PFN3: variants seen among roughly 807,000 people sequenced by gnomAD.
The protein encoded by PFN3 is profilin-3.
Under a neutral mutation model 6.2 loss-of-function variants are expected in PFN3, and 7 were observed. The observed-to-expected ratio is 1.13, with a 90% CI of 0.64 to 2.13. PFN3 has a LOEUF of 2.13. Among genes scored for constraint, PFN3 ranks in the 30% most tolerant of loss-of-function variants. The pLI is 0.00. For missense variants in PFN3, 251 were observed against 209.3 expected (o/e 1.20, Z -1.23); for synonymous variants, 112 against 97.7 (o/e 1.15, Z -0.87).
At position 177,400,247 on chromosome 5, in the gene PFN3, T is replaced by C. The variant is rs763562940; in HGVS notation, c.330A>G (p.Leu110=). Residue 110 remains leucine (L), a synonymous_variant, in exon 1 of 1, where the codon CTA becomes CTG. Coordinates refer to ENST00000358571, the MANE Select transcript of PFN3 (RefSeq NM_001029886.3). The part of the protein sequence containing the change: ...VGRAPRALLV[L]MGRRGVHGGI... Reference sequence around the variant, plus strand: ...CCCCATGTACGCCGCGTCGGCCCATTAGCACCAGGAGCGCGCGCGGCGCAC... The same window carrying C: ...CCCCATGTACGCCGCGTCGGCCCATCAGCACCAGGAGCGCGCGCGGCGCAC... 1.2e-6 allele frequency: 2 copies of C among 1,611,180 alleles called. No homozygotes were observed. The highest frequency in any genetic ancestry group is 2.2e-5 in the South Asian group (2 of 91,004).
At position 177,400,221 on chromosome 5, in the gene PFN3, C is replaced by T. The variant is rs1337292800; in HGVS notation, c.356G>A (p.Gly119Asp). Residue 119 changes from glycine (G) to aspartate (D), a missense_variant, in exon 1 of 1, where the codon GGC (glycine) becomes GAC (aspartate). Transcript: ENST00000358571. ...TTCGTGCACCGTCTTGTTGAGGATG[C>T]CCCCATGTACGCCGCGTCGGCCCAT... Reference protein sequence around the residue: ...VLMGRRGVHGGILNKTVHELI... With the variant: ...VLMGRRGVHGDILNKTVHELI... 2.5e-6 allele frequency: 4 copies of T among 1,611,854 alleles called. No individual in the cohort carries two copies. The South Asian group carries it at 4.4e-5, about 18-fold the overall frequency.
In PFN3 at chr5:177,400,584, C is replaced by G. The variant is rs757484919; in HGVS notation, c.-8G>C. 24 of 1,591,690 alleles carry G rather than the reference C, an allele frequency of 1.5e-5. No homozygotes were observed. Among genetic ancestry groups the G allele is most frequent in the Non-Finnish European group, 2.0e-5 (23 of 1,177,266 alleles). On this transcript the variant is annotated 5_prime_UTR_variant, in exon 1 of 1. Coordinates refer to ENST00000358571, the MANE Select transcript of PFN3 (RefSeq NM_001029886.3). ...GACCTTCCAGTCGCCCATCGCGCTC[C>G]GAGTGCGCCCAGCCGCCTCGCACCT...
rs1472969887 is a variant in PFN3 at position 177,400,259 on chromosome 5, C to T, written c.318G>A (p.Ala106=). 1.9e-5 allele frequency: 31 copies of T among 1,608,718 alleles called. No individual in the cohort carries two copies. The highest frequency in any genetic ancestry group is 2.6e-5 in the Non-Finnish European group (31 of 1,178,144). ...RAVCVGRAPR[A]LLVLMGRRGV... is the part of the protein sequence containing the mutation. Reference sequence around the variant, plus strand: ...CGCGTCGGCCCATTAGCACCAGGAGCGCGCGCGGCGCACGGCCCACGCACA... The same window carrying T: ...CGCGTCGGCCCATTAGCACCAGGAGTGCGCGCGGCGCACGGCCCACGCACA... Residue 106 remains alanine, a synonymous_variant, in exon 1 of 1, where the codon GCG becomes GCA. Transcript: ENST00000358571.
rs748864744 is a variant in PFN3 at position 177,400,622 on chromosome 5, T to C, written c.-46A>G. On this transcript the variant is annotated 5_prime_UTR_variant, in exon 1 of 1. Coordinates refer to ENST00000358571, the MANE Select transcript of PFN3 (RefSeq NM_001029886.3). ...CCGCCTCGCACCTCTCGGGGAAATA[T>C]AGAGGCGCCACGCGGGGAAGGCCTG... is the stretch of plus-strand genomic sequence containing the variant. The C allele has an allele frequency of 4.5e-5, 70 of 1,566,852 alleles. No homozygotes were observed. The highest frequency in any genetic ancestry group is 1.1e-4 in the African/African-American group (8 of 73,188).
rs1474063347 is a variant in PFN3 at position 177,400,412 on chromosome 5, G to A, written c.165C>T (p.Asp55=). The A allele has an allele frequency of 6.5e-7, 1 of 1,540,580 alleles. No individual in the cohort carries two copies. The highest frequency in any genetic ancestry group is 1.2e-5 in the South Asian group (1 of 84,430). Residue 55 remains aspartate (D), a synonymous_variant, in exon 1 of 1, where the codon GAC becomes GAT. Transcript: ENST00000358571. ...GGCCCGCCTGCAGGAAGGTGTGCCT[G>A]TCCGGCCCCGTGAGCACGCCCACCT... ...PQEVGVLTGP[D]RHTFLQAGLS... is the part of the protein sequence containing the mutation.
rs759837787 is a variant in PFN3 at position 177,400,313 on chromosome 5, T to C, written c.264A>G (p.Ala88=). ...CGCGCGCGTCCAGCCCCTTGGTGCG[T>C]GCGTCCAGCACGCCGTCACCCTCGG... ...LLAEGDGVLD[A]RTKGLDARAV... is the part of the protein sequence containing the mutation. The change falls in exon 1 of 1, where the codon GCA becomes GCG. Residue 88 remains alanine, a synonymous_variant. Coordinates refer to ENST00000358571, the MANE Select transcript of PFN3 (RefSeq NM_001029886.3). The C allele has an allele frequency of 1.9e-6, 3 of 1,569,348 alleles. No homozygotes were observed. The highest frequency in any genetic ancestry group is 1.7e-4 in the Middle Eastern group (1 of 6,004).
rs1359505630 is a variant in PFN3 at position 177,400,579 on chromosome 5, C to G, written c.-3G>C. On this transcript the variant is annotated 5_prime_UTR_variant, in exon 1 of 1. Transcript: ENST00000358571. ...ATGTAGACCTTCCAGTCGCCCATCG[C>G]GCTCCGAGTGCGCCCAGCCGCCTCG... 3 of 1,592,914 alleles carry G rather than the reference C, an allele frequency of 1.9e-6. No homozygotes were observed. Among genetic ancestry groups the G allele is most frequent in the Non-Finnish European group, 2.5e-6 (3 of 1,177,750 alleles).
At position 177,400,337 on chromosome 5, in the gene PFN3, G is replaced by A. The variant is rs1254211452; in HGVS notation, c.240C>T (p.Ala80=). 11 of 1,539,284 alleles carry A rather than the reference G, an allele frequency of 7.1e-6. No homozygotes were observed. The highest frequency in any genetic ancestry group is 1.7e-6 in the Non-Finnish European group (2 of 1,144,660). The part of the protein sequence containing the change: ...RCCVIRDHLL[A]EGDGVLDART... ...GTGCGTCCAGCACGCCGTCACCCTC[G>A]GCCAGCAGGTGGTCGCGGATGACGC... is the stretch of plus-strand genomic sequence containing the variant. The change falls in exon 1 of 1, where the codon GCC becomes GCT. Residue 80 remains alanine (A), a synonymous_variant. Coordinates refer to ENST00000358571, the MANE Select transcript of PFN3 (RefSeq NM_001029886.3).
In PFN3 at chr5:177,400,371, CG is replaced by C; in HGVS notation, c.205del (p.Arg69AlafsTer42). On this transcript the variant is annotated frameshift_variant, in exon 1 of 1. Coordinates refer to ENST00000358571, the MANE Select transcript of PFN3 (RefSeq NM_001029886.3). LOFTEE classifies it high-confidence loss of function. ...GTGGTCGCGGATGACGCAGCAGCGG[CG>C]GCCCCCCACGCTCAGGCCCGCCTGC... ...FLQAGLSVGG[R>X]RCCVIRDHLL... is the part of the protein sequence containing the mutation. 6.5e-7 allele frequency: 1 copy of C among 1,536,002 alleles called. No homozygotes were observed. Among genetic ancestry groups the C allele is most frequent in the East Asian group, 2.5e-5 (1 of 40,092 alleles).
Position 177,400,294 on chromosome 5 carries a change from C to T in PFN3, c.283G>A (p.Ala95Thr). The change falls in exon 1 of 1, where the codon GCG (alanine) becomes ACG (threonine). Residue 95 changes from alanine to threonine, a missense_variant. By Grantham distance (58) the Ala-to-Thr change is moderately conservative. Coordinates refer to ENST00000358571, the MANE Select transcript of PFN3 (RefSeq NM_001029886.3). ...GCACGGCCCACGCACACGGCGCGCGCGTCCAGCCCCTTGGTGCGTGCGTCC... is the reference window on the plus strand; with the variant it reads ...GCACGGCCCACGCACACGGCGCGCGTGTCCAGCCCCTTGGTGCGTGCGTCC... Reference protein sequence around the residue: ...VLDARTKGLDARAVCVGRAPR... With the variant: ...VLDARTKGLDTRAVCVGRAPR... 1 of 1,588,190 alleles carries T rather than the reference C, an allele frequency of 6.3e-7. No homozygotes were observed. Among genetic ancestry groups the T allele is most frequent in the Non-Finnish European group, 8.6e-7 (1 of 1,168,736 alleles).
Position 177,400,349 on chromosome 5 carries a change from G to T in PFN3, c.228C>A (p.Asp76Glu). The T allele has an allele frequency of 6.5e-7, 1 of 1,535,894 alleles. No individual in the cohort carries two copies. The highest frequency in any genetic ancestry group is 8.8e-7 in the Non-Finnish European group (1 of 1,142,248). The change falls in exon 1 of 1, where the codon GAC (aspartate) becomes GAA (glutamate). Residue 76 changes from aspartate (D) to glutamate (E), a missense_variant. Transcript: ENST00000358571. The stretch of plus-strand genomic sequence containing the variant: ...CGCCGTCACCCTCGGCCAGCAGGTG[G>T]TCGCGGATGACGCAGCAGCGGCGGC... ...VGGRRCCVIR[D>E]HLLAEGDGVL...
At position 177,400,156 on chromosome 5, in the gene PFN3, T is replaced by C. The variant is rs1234905826; in HGVS notation, c.*7A>G. 2 of 1,610,568 alleles carry C rather than the reference T, an allele frequency of 1.2e-6. No individual in the cohort carries two copies. Among genetic ancestry groups the C allele is most frequent in the East Asian group, 2.2e-5 (1 of 44,854 alleles). On this transcript the variant is annotated 3_prime_UTR_variant, in exon 1 of 1. Coordinates refer to ENST00000358571, the MANE Select transcript of PFN3 (RefSeq NM_001029886.3). ...CCGCGCTACCAGTGGGCGGCCTGGC[T>C]GGCCGGCTAGGCGCCCTGCATGCGC... is the stretch of plus-strand genomic sequence containing the variant.
Position 177,400,389 on chromosome 5 carries a change from C to A in PFN3, c.188G>T (p.Gly63Val), listed in dbSNP as rs779868381. Residue 63 changes from glycine to valine, a missense_variant, in exon 1 of 1, where the codon GGC becomes GTC. Physicochemically the swap from Gly to Val is moderately radical, Grantham distance 109. Transcript: ENST00000358571. ...GCAGCGGCGGCCCCCCACGCTCAGG[C>A]CCGCCTGCAGGAAGGTGTGCCTGTC... ...GPDRHTFLQA[G>V]LSVGGRRCCV... 6 of 1,540,348 alleles carry A rather than the reference C, an allele frequency of 3.9e-6. No individual in the cohort carries two copies. In the South Asian group the frequency reaches 7.2e-5, roughly 18 times the overall value.
chr5:177,400,369 G>A lies in PFN3; in HGVS notation c.208C>T (p.Arg70Cys), dbSNP rs1763101064. The A allele has an allele frequency of 6.5e-7, 1 of 1,536,868 alleles. No homozygotes were observed. The highest frequency in any genetic ancestry group is 1.2e-5 in the South Asian group (1 of 83,082). Reference protein sequence around the residue: ...LQAGLSVGGRRCCVIRDHLLA... With the variant: ...LQAGLSVGGRCCCVIRDHLLA... Reference sequence around the variant, plus strand: ...AGGTGGTCGCGGATGACGCAGCAGCGGCGGCCCCCCACGCTCAGGCCCGCC... The same window carrying A: ...AGGTGGTCGCGGATGACGCAGCAGCAGCGGCCCCCCACGCTCAGGCCCGCC... The change falls in exon 1 of 1, where the codon CGC becomes TGC. Residue 70 changes from arginine to cysteine, a missense_variant. By Grantham distance (180) the Arg-to-Cys change is radical. Coordinates refer to ENST00000358571, the MANE Select transcript of PFN3 (RefSeq NM_001029886.3).
Position 177,400,263 on chromosome 5 carries a change from C to T in PFN3, c.314G>A (p.Arg105His). Residue 105 changes from arginine to histidine, a missense_variant, in exon 1 of 1, where the codon CGC (arginine) becomes CAC (histidine). Physicochemically the swap from Arg to His is conservative, Grantham distance 29. Transcript: ENST00000358571. The stretch of plus-strand genomic sequence containing the variant: ...TCGGCCCATTAGCACCAGGAGCGCG[C>T]GCGGCGCACGGCCCACGCACACGGC... ...ARAVCVGRAP[R>H]ALLVLMGRRG... The T allele has an allele frequency of 1.9e-6, 3 of 1,608,076 alleles. No individual in the cohort carries two copies. The highest frequency in any genetic ancestry group is 2.5e-6 in the Non-Finnish European group (3 of 1,177,804).
Position 177,400,290 on chromosome 5 carries a change from C to A in PFN3, c.287G>T (p.Arg96Leu), listed in dbSNP as rs370522316. Residue 96 changes from arginine to leucine, a missense_variant, in exon 1 of 1, where the codon CGC becomes CTC. Physicochemically the swap from Arg to Leu is moderately radical, Grantham distance 102. Transcript: ENST00000358571. ...CGGCGCACGGCCCACGCACACGGCG[C>A]GCGCGTCCAGCCCCTTGGTGCGTGC... ...LDARTKGLDA[R>L]AVCVGRAPRA... 58 of 1,591,998 alleles carry A rather than the reference C, an allele frequency of 3.6e-5. No homozygotes were observed. The highest frequency in any genetic ancestry group is 4.8e-5 in the Non-Finnish European group (56 of 1,170,456).
chr5:177,400,161 G>T lies in PFN3; in HGVS notation c.*2C>A. 6.2e-7 allele frequency: 1 copy of T among 1,611,010 alleles called. No homozygotes were observed. Among genetic ancestry groups the T allele is most frequent in the Non-Finnish European group, 8.5e-7 (1 of 1,179,150 alleles). On this transcript the variant is annotated 3_prime_UTR_variant, in exon 1 of 1. Transcript: ENST00000358571. ...CTACCAGTGGGCGGCCTGGCTGGCC[G>T]GCTAGGCGCCCTGCATGCGCAGCCC...
In PFN3 at chr5:177,400,362, C is replaced by G; in HGVS notation, c.215G>C (p.Cys72Ser). The G allele has an allele frequency of 6.5e-7, 1 of 1,537,040 alleles. No individual in the cohort carries two copies. The highest frequency in any genetic ancestry group is 8.8e-7 in the Non-Finnish European group (1 of 1,142,146). ...AGLSVGGRRC[C>S]VIRDHLLAEG... The stretch of plus-strand genomic sequence containing the variant: ...GGCCAGCAGGTGGTCGCGGATGACG[C>G]AGCAGCGGCGGCCCCCCACGCTCAG... The change falls in exon 1 of 1, where the codon TGC (cysteine) becomes TCC (serine). Residue 72 changes from cysteine (C) to serine (S), a missense_variant. By Grantham distance (112) the Cys-to-Ser change is moderately radical. Coordinates refer to ENST00000358571, the MANE Select transcript of PFN3 (RefSeq NM_001029886.3).
chr5:177,400,587 G>A lies in PFN3; in HGVS notation c.-11C>T, dbSNP rs988530033. 34 of 1,591,462 alleles carry A rather than the reference G, an allele frequency of 2.1e-5. No individual in the cohort carries two copies. Among genetic ancestry groups the A allele is most frequent in the African/African-American group, 2.7e-5 (2 of 73,722 alleles). On this transcript the variant is annotated 5_prime_UTR_variant, in exon 1 of 1. Transcript: ENST00000358571. ...CTTCCAGTCGCCCATCGCGCTCCGA[G>A]TGCGCCCAGCCGCCTCGCACCTCTC...
Sources: gnomAD v4.1 joint callset for allele counts on GRCh38, gnomAD v4.1.1 for gene constraint, MANE v1.5 for transcripts, NCBI Gene and HGNC (gene_info 2026-07-23, HGNC 2026-07-21) for gene names.